Variants in SMARCB1 observed in about 807,000 individuals in gnomAD.
SMARCB1 encodes SWI/SNF-related matrix-associated actin-dependent regulator of chromatin subfamily B member 1.
In SMARCB1, 5 loss-of-function variants were observed where a neutral mutation model predicts 49.0. The observed-to-expected ratio is 0.10, with a 90% CI of 0.05 to 0.21. The LOEUF (loss-of-function observed/expected upper bound fraction) is 0.21, where lower values mean the gene tolerates loss of function less well. SMARCB1 is among the 10% of genes least tolerant of loss of function. SMARCB1 has a pLI of 1.00. For synonymous variants in SMARCB1, 201 were observed against 200.1 expected, an observed-to-expected ratio of 1.00 and a Z score of -0.04; for missense variants, 226 against 509.2, an observed-to-expected ratio of 0.44 and a Z score of 5.35.
Position 23,793,673 on chromosome 22 carries a change from C to A in SMARCB1, c.347C>A (p.Pro116His), listed in dbSNP as rs1928548399. The A allele has an allele frequency of 6.2e-7, 1 of 1,614,042 alleles. No individual in the cohort carries two copies. The highest frequency in any genetic ancestry group is 8.5e-7 in the Non-Finnish European group (1 of 1,180,024). Residue 116 changes from proline to histidine, a missense_variant, in exon 3 of 9, where the codon CCC (proline) becomes CAC (histidine). Transcript: ENST00000644036. The stretch of plus-strand genomic sequence containing the variant: ...AAGGCTGTGTCCATCAGCACAGAGC[C>A]CCCCACCTACCTCAGGTAATGCGTT... ...KYKAVSISTEPPTYLREQKAK... is the reference protein window; with the variant it reads ...KYKAVSISTEHPTYLREQKAK...
At chr22:23,795,106 G>T (rs1450013645) in intron 3 of SMARCB1, among the ~76,000 whole-genome samples, 2 of 151,926 alleles carry the variant, frequency 1.3e-5, no homozygotes, top group Non-Finnish European at 2.9e-5. Flanking sequence ...GAAAGAATTT[G>T]CCCTCATGTG....
At chr22:23,792,116 G>C in intron 2 of SMARCB1, 1 of 569,550 alleles carries the variant, frequency 1.8e-6, no homozygotes, top group Non-Finnish European at 3.2e-6. Flanking sequence ...CATTGGGTAT[G>C]TGAGCGGGCC....
rs34486648 is a variant in SMARCB1 at position 23,806,654 on chromosome 22, G to A, written c.628+3232G>A. 3.1e-3 allele frequency among the ~76,000 whole-genome samples: 469 copies of A among 152,304 alleles called. 3 individuals carry two copies. The highest frequency in any genetic ancestry group is 0.022 in the South Asian group (108 of 4,822). The stretch of plus-strand genomic sequence containing the variant: ...GAATCAGGATTGGCCAGGCGTGGTG[G>A]CTCACGCCTGTAATCCCAGCACTTT... On this transcript the variant is annotated intron_variant, in intron 5 of 8. Transcript: ENST00000644036.
intron 2 of SMARCB1, 65 bp downstream of exon 2, chr22:23,791,959 C>T (rs1928408652): frequency 1.2e-5 from 18 of 1,547,096 alleles, no homozygotes; most frequent in Admixed American, 3.3e-5. Flanking sequence ...GAAGATAAAA[C>T]GTTTTCACTC....
chr22:23,817,887 T>A (rs2330622), intron 6 of SMARCB1: 151,840 of 152,186 alleles, frequency 1, 75,750 homozygotes, highest in Middle Eastern at 1. Flanking sequence ...GTGCAGTGGC[T>A]CGATCTTGAC....
chr22:23,811,036 CAAAA>C (rs56238275), intron 5 of SMARCB1, among the ~76,000 whole-genome samples: 1,654 of 131,468 alleles, frequency 0.013, 11 homozygotes, highest in Non-Finnish European at 0.018. Flanking sequence ...GACTGTGTCT[CAAAA>C]AAAAAAAAAA....
At chr22:23,817,319 G>A in intron 6 of SMARCB1, 1 of 328,792 alleles carries the variant, frequency 3.0e-6, no homozygotes, top group South Asian at 3.5e-5. Context: ...CACGTGGAGA[G>A]CTGAGATCAC....
intron 5 of SMARCB1, among the ~76,000 whole-genome samples, chr22:23,806,127 A>T (rs1301227001): frequency 1.3e-5 from 2 of 152,226 alleles, no homozygotes; most frequent in South Asian, 2.1e-4. Context: ...TTTTAGAACC[A>T]GGCAGAATGA....
intron 3 of SMARCB1, among the ~76,000 whole-genome samples, chr22:23,796,539 T>A (rs1212749390): frequency 1.3e-5 from 2 of 152,214 alleles, no homozygotes; most frequent in African/African-American, 4.8e-5. Context: ...ATGGAAAATC[T>A]TTTTTATGAT....
At position 23,787,194 on chromosome 22, in the gene SMARCB1, A is replaced by T; in HGVS notation, c.25A>T (p.Thr9Ser). 6.2e-7 allele frequency: 1 copy of T among 1,608,506 alleles called. No individual in the cohort carries two copies. The highest frequency in any genetic ancestry group is 1.3e-5 in the African/African-American group (1 of 74,486). ...AATGATGATGATGGCGCTGAGCAAG[A>T]CCTTCGGGCAGAAGCCCGTGAAGTT... is the stretch of plus-strand genomic sequence containing the variant. MMMMALSK[T>S]FGQKPVKFQL... Residue 9 changes from threonine to serine, a missense_variant, in exon 1 of 9, where the codon ACC (threonine) becomes TCC (serine). This residue lies in a region of SMARCB1 where 37 missense variants were observed against 36.9 expected (regional missense o/e 1.00). Transcript: ENST00000644036.
Position 23,790,898 on chromosome 22 carries a change from A to T in SMARCB1, c.94-858A>T, listed in dbSNP as rs994057386. 5.3e-5 allele frequency among the ~76,000 whole-genome samples: 8 copies of T among 152,174 alleles called. No individual in the cohort carries two copies. In the East Asian group the frequency reaches 1.5e-3, roughly 29 times the overall value. ...AATTTAAAAATGCAAAATATATACTATGTTGCGTAGATAAAATGGGAAACA... is the reference window on the plus strand; with the variant it reads ...AATTTAAAAATGCAAAATATATACTTTGTTGCGTAGATAAAATGGGAAACA... On this transcript the variant is annotated intron_variant, in intron 1 of 8. Coordinates refer to ENST00000644036, the MANE Select transcript of SMARCB1 (RefSeq NM_003073.5).
chr22:23,792,037 A>T, intron 2 of SMARCB1, 143 bp downstream of exon 2: 2 of 804,430 alleles, frequency 2.5e-6, no homozygotes, highest in South Asian at 2.9e-5. Context: ...CCGCCCTGTG[A>T]GCACTCCAGG....
chr22:23,817,686 C>G (rs1272730581), intron 6 of SMARCB1: 1 of 152,250 alleles, frequency 6.6e-6, no homozygotes, highest in Non-Finnish European at 1.5e-5. Context: ...TGAGGGATGC[C>G]TCTGCCCCGT....
intron 1 of SMARCB1, 88 bp downstream of exon 1, chr22:23,787,350 T>C: frequency 2.8e-6 from 2 of 720,824 alleles, no homozygotes; most frequent in Non-Finnish European, 4.4e-6. Context: ...CGCGTCTCCA[T>C]TCATCGGGGC....
intron 5 of SMARCB1, among the ~76,000 whole-genome samples, chr22:23,814,250 A>G (rs1930048834): frequency 6.6e-6 from 1 of 152,222 alleles, no homozygotes; most frequent in African/African-American, 2.4e-5. Context: ...GATGGAACAG[A>G]ATTGAGAATC....
At position 23,827,180 on chromosome 22, in the gene SMARCB1, A is replaced by G. The variant is rs561861547; in HGVS notation, c.986+1765A>G. Among the ~76,000 whole-genome samples, 6 of 152,212 alleles carry G rather than the reference A, an allele frequency of 3.9e-5. No homozygotes were observed. In the South Asian group the frequency reaches 1.2e-3, roughly 32 times the overall value. ...GTCAGAACCCTCGTCTTGGGCTCAC[A>G]GGTGCAGGTGGTAGGCTGGCTGCCC... On this transcript the variant is annotated intron_variant, in intron 7 of 8. Coordinates refer to ENST00000644036, the MANE Select transcript of SMARCB1 (RefSeq NM_003073.5).
rs1364497400 is a variant in SMARCB1, at chr22:23,837,576, G to A, written c.*3396G>A. On this transcript the variant is annotated 3_prime_UTR_variant, in exon 9 of 9. Transcript: ENST00000644036. ...GTGTGAGGAGAACTCCAGCAAGGAT[G>A]GGAGAGGGGCCCCAGGGCATAAGCA... 2 of 1,402,446 alleles carry A rather than the reference G, an allele frequency of 1.4e-6. No individual in the cohort carries two copies. Among genetic ancestry groups the A allele is most frequent in the Non-Finnish European group, 2.0e-6 (2 of 1,024,436 alleles). The allele number at this position is 1,402,446 out of a possible 1,614,324, so 86.9% of individuals were successfully genotyped here.
rs1376452384 is a variant in SMARCB1 at position 23,836,207 on chromosome 22, TAGAA to T, written c.*2030_*2033del. On this transcript the variant is annotated 3_prime_UTR_variant, in exon 9 of 9. Transcript: ENST00000644036. ...GGTGAAAACTTAGGCTCTGAGGTCA[TAGAA>T]AGGGCAGAAGACCTAGTCCTGGCCC... 2 of 985,292 alleles carry T rather than the reference TAGAA, an allele frequency of 2.0e-6. No individual in the cohort carries two copies. The highest frequency in any genetic ancestry group is 4.7e-5 in the South Asian group (1 of 21,290). 61.0% of individuals were successfully genotyped at this position (985,292 alleles called of 1,614,324 possible).
At chr22:23,806,056 G>A (rs919838035) in intron 5 of SMARCB1, among the ~76,000 whole-genome samples, 1 of 152,236 alleles carries the variant, frequency 6.6e-6, no homozygotes, top group African/African-American at 2.4e-5. Context: ...GTTGAAGAGG[G>A]AGCTCGTACT....
Sources: allele counts gnomAD v4.1 joint callset (sites outside exome capture counted in the v4.1 genomes callset), GRCh38; gene constraint gnomAD v4.1.1; regional missense constraint gnomAD v4.1.1; transcripts MANE v1.5; gene names NCBI Gene and HGNC (gene_info 2026-07-23, HGNC 2026-07-21).